The following MET variants were observed in gnomAD, a reference collection of about 807,000 sequenced individuals.
The protein encoded by MET is MET proto-oncogene, receptor tyrosine kinase.
MET carries 48 observed loss-of-function variants against 133.1 expected under a neutral mutation model. The ratio of observed to expected loss-of-function variants is 0.36; its 90% CI spans 0.29 to 0.46. The LOEUF is 0.46. Among genes scored for constraint, MET ranks in the 20% least tolerant of loss-of-function variants. The pLI is 1.00. For missense variants in MET, 1,442 were observed against 1,695.9 expected, an observed-to-expected ratio of 0.85 and a Z score of 2.63; for synonymous variants, 628 against 616.5, an observed-to-expected ratio of 1.02 and a Z score of -0.28.
chr7:116,757,800 A>C (rs2116925773), intron 8 of MET, 26 bp downstream of exon 8: 2 of 1,609,574 alleles, frequency 1.2e-6, no homozygotes, highest in South Asian at 2.2e-5. Flanking sequence ...TTTTTGTTGC[A>C]TCTGTCAATT....
intron 5 of MET, among the ~76,000 whole-genome samples, chr7:116,745,899 G>A (rs1419813849): frequency 1.3e-5 from 2 of 152,140 alleles, no homozygotes; most frequent in African/African-American, 2.4e-5. Context: ...AACACCAAAA[G>A]CAATGGCAAC....
Position 116,699,442 on chromosome 7 carries a change from C to G in MET, c.358C>G (p.Leu120Val), listed in dbSNP as rs2116586812. The G allele has an allele frequency of 6.2e-7, 1 of 1,614,020 alleles. No homozygotes were observed. Among genetic ancestry groups the G allele is most frequent in the South Asian group, 1.1e-5 (1 of 91,078 alleles). Residue 120 changes from leucine (L) to valine (V), a missense_variant, in exon 2 of 21, where the codon CTA becomes GTA. Leu to Val is a conservative substitution (Grantham distance 32). Coordinates refer to ENST00000397752, the MANE Select transcript of MET (RefSeq NM_000245.4). ...GVWKDNINMA[L>V]VVDTYYDDQL... ...TTGGAAAGATAACATCAACATGGCT[C>G]TAGTTGTCGACACCTACTATGATGA... is the stretch of plus-strand genomic sequence containing the variant.
At chr7:116,717,282 G>A (rs1483943290) in intron 2 of MET, among the ~76,000 whole-genome samples, 2 of 152,254 alleles carry the variant, frequency 1.3e-5, no homozygotes, top group African/African-American at 4.8e-5. Flanking sequence ...AGACATCTCA[G>A]TACAGACAGT....
At position 116,793,420 on chromosome 7, in the gene MET, C is replaced by T. The variant is rs192448217; in HGVS notation, c.3799-2235C>T. ...GAACTCTTGACCTCAAGTGATCTGC[C>T]CACCCCCGCCTCCCAAAGTGCTGGG... On this transcript the variant is annotated intron_variant, in intron 19 of 20. Coordinates refer to ENST00000397752, the MANE Select transcript of MET (RefSeq NM_000245.4). 2.6e-3 allele frequency among the ~76,000 whole-genome samples: 396 copies of T among 151,604 alleles called. 1 individual carries two copies. Among genetic ancestry groups the T allele is most frequent in the Non-Finnish European group, 4.1e-3 (281 of 67,874 alleles).
At position 116,713,373 on chromosome 7, in the gene MET, C is replaced by T. The variant is rs559736533; in HGVS notation, c.1200+13089C>T. ...TCCCGCCACTGCACTCCAGCCTGGG[C>T]GACAGAGCGAGACTCCGTCTCAAAA... is the stretch of plus-strand genomic sequence containing the variant. On this transcript the variant is annotated intron_variant, in intron 2 of 20. Coordinates refer to ENST00000397752, the MANE Select transcript of MET (RefSeq NM_000245.4). Among the ~76,000 whole-genome samples, 6 of 144,548 alleles carry T rather than the reference C, an allele frequency of 4.2e-5. No individual in the cohort carries two copies. In the East Asian group the frequency reaches 1.0e-3, roughly 24 times the overall value. 94.8% of individuals were successfully genotyped at this position (144,548 alleles called of 152,430 possible). A position where few individuals can be genotyped will look rare whatever the true frequency, so the allele number is the denominator to read the frequency against.
chr7:116,739,913 G>A lies in MET; in HGVS notation c.1393-37G>A, dbSNP rs531104447. 1.1e-5 allele frequency: 17 copies of A among 1,613,770 alleles called. No homozygotes were observed. The South Asian group carries it at 1.1e-4, about 10-fold the overall frequency. On this transcript the variant is annotated intron_variant, in intron 3 of 20. Transcript: ENST00000397752. ...TTCCACTTATATTTAAACTGAGCTT[G>A]TTGGAATAAGGATGTTATAACTTTT...
intron 2 of MET, 32 bp from the exon 3 acceptor site, chr7:116,731,636 C>T (rs1184913993): frequency 6.2e-7 from 1 of 1,609,850 alleles, no homozygotes. Context: ...TGTCTGGATT[C>T]ACATTAACTC....
In MET at chr7:116,795,678, G is replaced by A. The variant is rs2117107604; in HGVS notation, c.3822G>A (p.Trp1274Ter). Residue 1274 changes from tryptophan to a stop codon, truncating the protein, a stop_gained, in exon 20 of 21, where the codon TGG becomes TGA. Coordinates refer to ENST00000397752, the MANE Select transcript of MET (RefSeq NM_000245.4). LOFTEE classifies it high-confidence loss of function. ...SDVWSFGVLLWELMTRGAPPY... is the reference protein window; with the variant it reads ...SDVWSFGVLL ...AGTGGTCCTTTGGCGTGCTCCTCTG[G>A]GAGCTGATGACAAGAGGAGCCCCAC... 6.2e-7 allele frequency: 1 copy of A among 1,613,960 alleles called. No individual in the cohort carries two copies. Among genetic ancestry groups the A allele is most frequent in the Non-Finnish European group, 8.5e-7 (1 of 1,180,002 alleles).
chr7:116,686,373 A>G (rs2116507803), intron 1 of MET, among the ~76,000 whole-genome samples: 1 of 151,698 alleles, frequency 6.6e-6, no homozygotes, highest in African/African-American at 2.4e-5. Context: ...CACAAAAGCC[A>G]CCTTCCCAAT....
chr7:116,686,991 C>T (rs550703269), intron 1 of MET, among the ~76,000 whole-genome samples: 14 of 152,330 alleles, frequency 9.2e-5, no homozygotes, highest in African/African-American at 3.1e-4. Flanking sequence ...TCTTCTCCCC[C>T]GTGCTGCTCC....
At chr7:116,680,563 G>A (rs1023621074) in intron 1 of MET, among the ~76,000 whole-genome samples, 5 of 152,086 alleles carry the variant, frequency 3.3e-5, no homozygotes, top group Non-Finnish European at 5.9e-5. Flanking sequence ...GAAGGGTCAT[G>A]GGCTTGAGTG....
chr7:116,765,286 CAAAAAAAAA>C (rs754418396), intron 11 of MET, among the ~76,000 whole-genome samples: 1 of 31,876 alleles, frequency 3.1e-5, no homozygotes. Flanking sequence ...GGAGACAGAG[CAAAAAAAAA>C]AAAAAAAAAA....
intron 1 of MET, among the ~76,000 whole-genome samples, chr7:116,687,939 AC>A (rs1342734617): frequency 5.3e-5 from 8 of 152,186 alleles, no homozygotes; most frequent in Non-Finnish European, 1.2e-4. Flanking sequence ...GGGTTCACTC[AC>A]CACCTGCATT....
chr7:116,781,791 T>C (rs1052482860), intron 17 of MET, among the ~76,000 whole-genome samples, 197 bp from the exon 18 acceptor site: 1 of 152,220 alleles, frequency 6.6e-6, no homozygotes, highest in Non-Finnish European at 1.5e-5. Context: ...TTGCCCAGGC[T>C]GATCTCAAAC....
intron 1 of MET, among the ~76,000 whole-genome samples, chr7:116,674,919 A>G (rs887209390): frequency 1.3e-5 from 2 of 152,216 alleles, no homozygotes; most frequent in African/African-American, 4.8e-5. Context: ...GTGTTTATTC[A>G]TAGGATACTC....
At position 116,783,322 on chromosome 7, in the gene MET, A is replaced by T. The variant is rs774817618; in HGVS notation, c.3651A>T (p.Thr1217=). 6.2e-7 allele frequency: 1 copy of T among 1,614,150 alleles called. No individual in the cohort carries two copies. The highest frequency in any genetic ancestry group is 8.5e-7 in the Non-Finnish European group (1 of 1,180,006). ...TCTGTAGGCTGGATGAAAAATTCAC[A>T]GTCAAGGTTGCTGATTTTGGTCTTG... ...ARNCMLDEKF[T]VKVADFGLAR... is the part of the protein sequence containing the mutation. Residue 1217 remains threonine, a synonymous_variant, in exon 19 of 21, where the codon ACA becomes ACT. Transcript: ENST00000397752.
chr7:116,757,795 G>A (rs2116925693), intron 8 of MET, 21 bp downstream of exon 8: 1 of 1,610,822 alleles, frequency 6.2e-7, no homozygotes, highest in Non-Finnish European at 8.5e-7. Flanking sequence ...TTTATTTTTT[G>A]TTGCATCTGT....
intron 2 of MET, among the ~76,000 whole-genome samples, chr7:116,703,263 G>T (rs61038471): frequency 6.6e-6 from 1 of 152,012 alleles, no homozygotes. Context: ...CATTTTTTAT[G>T]TTGCTTTTGA....
intron 2 of MET, among the ~76,000 whole-genome samples, chr7:116,720,416 T>A (rs1201810654): frequency 6.9e-6 from 1 of 144,088 alleles, no homozygotes; most frequent in East Asian, 2.0e-4. Context: ...AGATATACAA[T>A]CATGTCGTCT....
Sources: gnomAD v4.1 joint callset for allele counts (sites outside exome capture counted in the v4.1 genomes callset) on GRCh38, gnomAD v4.1.1 for gene constraint, MANE v1.5 for transcripts, NCBI Gene and HGNC (gene_info 2026-07-23, HGNC 2026-07-21) for gene names.